The following CMSS1 variants were observed in gnomAD, a reference collection of about 807,000 sequenced individuals.
The protein encoded by CMSS1 is cms1 ribosomal small subunit homolog.
A neutral mutation model predicts 43.5 loss-of-function variants in CMSS1; 33 were observed. The observed-to-expected ratio is 0.76, with a 90% confidence interval of 0.57 to 1.01. CMSS1 has a LOEUF of 1.01. CMSS1 is among the 50% of genes least tolerant of loss of function. The pLI is 0.00. For synonymous variants in CMSS1, 115 were observed against 117.2 expected, an observed-to-expected ratio of 0.98 and a Z score of 0.12; for missense variants, 313 against 326.4, an observed-to-expected ratio of 0.96 and a Z score of 0.32.
intron 1 of CMSS1, among the ~76,000 whole-genome samples, chr3:99,820,321 C>T (rs1015357574): frequency 1.1e-4 from 16 of 151,692 alleles, no homozygotes; most frequent in Non-Finnish European, 2.4e-4. Flanking sequence ...CTCAGCCTCC[C>T]GAGTAGTTGG....
chr3:99,875,589 A>C (rs1705470899), intron 1 of CMSS1, among the ~76,000 whole-genome samples: 1 of 152,188 alleles, frequency 6.6e-6, no homozygotes, highest in Admixed American at 6.5e-5. Flanking sequence ...TCTTAATTCC[A>C]AGATGTATTC....
At chr3:100,099,316 CT>C (rs1195326859) in intron 1 of CMSS1, among the ~76,000 whole-genome samples, 5 of 152,100 alleles carry the variant, frequency 3.3e-5, no homozygotes, top group Non-Finnish European at 5.9e-5. Flanking sequence ...TCAGTACACC[CT>C]TTAAAGCACA....
chr3:100,094,566 A>G (rs527646548), intron 1 of CMSS1, among the ~76,000 whole-genome samples: 1 of 151,150 alleles, frequency 6.6e-6, no homozygotes, highest in East Asian at 1.9e-4. Flanking sequence ...ATTTAGCTTC[A>G]TGATCCATTT....
chr3:99,839,564 C>T (rs1200641833), intron 1 of CMSS1, among the ~76,000 whole-genome samples: 1 of 152,200 alleles, frequency 6.6e-6, no homozygotes, highest in Non-Finnish European at 1.5e-5. Flanking sequence ...TCTCCCCCGA[C>T]TCCATTTAAA....
rs115854314 is a variant in CMSS1 at position 99,836,844 on chromosome 3, C to T, written c.64+18801C>T. The stretch of plus-strand genomic sequence containing the variant: ...CTGGCTGGCCCCTCAGCCATTGTGT[C>T]TGAACCAATCAGACAAATTACATAA... On this transcript the variant is annotated intron_variant, in intron 1 of 9. Transcript: ENST00000421999. Among the ~76,000 whole-genome samples the T allele has an allele frequency of 3.8e-3, 577 of 152,332 alleles. 1 individual carries two copies. Among genetic ancestry groups the T allele is most frequent in the African/African-American group, 0.013 (553 of 41,566 alleles).
intron 1 of CMSS1, among the ~76,000 whole-genome samples, chr3:99,963,360 A>G (rs1341562693): frequency 1.3e-5 from 2 of 152,208 alleles, no homozygotes; most frequent in Admixed American, 6.5e-5. Context: ...GTTTGAAGTC[A>G]TGATCCGTGG....
At chr3:99,877,426 C>T in intron 1 of CMSS1, among the ~76,000 whole-genome samples, 1 of 152,108 alleles carries the variant, frequency 6.6e-6, no homozygotes. Flanking sequence ...AATAAAGATG[C>T]AGGGCACAAC....
At chr3:99,927,246 A>G (rs1707321703) in intron 1 of CMSS1, among the ~76,000 whole-genome samples, 1 of 152,276 alleles carries the variant, frequency 6.6e-6, no homozygotes, top group African/African-American at 2.4e-5. Flanking sequence ...AATTAAATTT[A>G]AAAGCTTAAT....
At chr3:99,934,549 C>A (rs887103411) in intron 1 of CMSS1, among the ~76,000 whole-genome samples, 1 of 152,164 alleles carries the variant, frequency 6.6e-6, no homozygotes, top group African/African-American at 2.4e-5. Flanking sequence ...ATGAGAATTT[C>A]TCTGCCCTCA....
intron 1 of CMSS1, among the ~76,000 whole-genome samples, chr3:99,827,628 G>C (rs1942559825): frequency 6.6e-6 from 1 of 152,064 alleles, no homozygotes; most frequent in African/African-American, 2.4e-5. Flanking sequence ...ATTTGAGACG[G>C]AGTTTTGCTC....
At chr3:100,079,802 C>T (rs1348739107) in intron 1 of CMSS1, among the ~76,000 whole-genome samples, 1 of 151,882 alleles carries the variant, frequency 6.6e-6, no homozygotes, top group African/African-American at 2.4e-5. Context: ...TGCCTCATTA[C>T]TCTCATGATA....
At chr3:100,080,325 A>G (rs2065912602) in intron 1 of CMSS1, among the ~76,000 whole-genome samples, 1 of 102,452 alleles carries the variant, frequency 9.8e-6, no homozygotes, top group Admixed American at 1.1e-4. Context: ...AAGAGGGGGA[A>G]AAAAAAATTT....
intron 1 of CMSS1, among the ~76,000 whole-genome samples, chr3:99,937,556 A>G (rs1707719103): frequency 6.6e-6 from 1 of 152,200 alleles, no homozygotes; most frequent in African/African-American, 2.4e-5. Flanking sequence ...GGCGTCAGTG[A>G]GCCTTTAAAT....
chr3:99,839,940 G>A (rs142266577), intron 1 of CMSS1, among the ~76,000 whole-genome samples: 82 of 152,212 alleles, frequency 5.4e-4, no homozygotes, highest in African/African-American at 1.9e-3. Flanking sequence ...GAGTCACTTG[G>A]TCCATCTCTT....
intron 1 of CMSS1, among the ~76,000 whole-genome samples, chr3:99,892,720 TC>T (rs1706123486): frequency 6.6e-6 from 1 of 152,130 alleles, no homozygotes; most frequent in South Asian, 2.1e-4. Flanking sequence ...AATTCCTTAC[TC>T]CATCTCACCC....
intron 1 of CMSS1, among the ~76,000 whole-genome samples, chr3:99,859,111 T>C (rs1944115079): frequency 6.6e-6 from 1 of 152,238 alleles, no homozygotes. Flanking sequence ...AAACTCCAAT[T>C]TGAAATAAGA....
intron 1 of CMSS1, among the ~76,000 whole-genome samples, chr3:100,092,696 T>C (rs552311457): frequency 6.7e-6 from 1 of 148,786 alleles, no homozygotes; most frequent in African/African-American, 2.5e-5. Context: ...ATTATTATTT[T>C]AGGTTCTCCC....
intron 1 of CMSS1, among the ~76,000 whole-genome samples, chr3:99,919,788 G>A (rs1039836439): frequency 2.6e-5 from 4 of 152,160 alleles, no homozygotes; most frequent in Non-Finnish European, 5.9e-5. Context: ...CAGCCAAAGG[G>A]AGAGGTGGAA....
At chr3:99,911,926 A>C (rs2107639904) in intron 1 of CMSS1, among the ~76,000 whole-genome samples, 1 of 152,200 alleles carries the variant, frequency 6.6e-6, no homozygotes, top group African/African-American at 2.4e-5. Context: ...TATAACCAAA[A>C]TGTTCGTTCT....
Sources: allele counts gnomAD v4.1 joint callset (sites outside exome capture counted in the v4.1 genomes callset), GRCh38; gene constraint gnomAD v4.1.1; transcripts MANE v1.5; gene names NCBI Gene and HGNC (gene_info 2026-07-23, HGNC 2026-07-21).